LTBP1: variants seen among roughly 807,000 people sequenced by gnomAD.
LTBP1 encodes the protein latent-transforming growth factor beta-binding protein 1.
Under a neutral mutation model 207.6 loss-of-function variants are expected in LTBP1, and 129 were observed. The observed-to-expected ratio is 0.62, with a 90% CI of 0.54 to 0.72. The LOEUF (loss-of-function observed/expected upper bound fraction) is 0.72. Among genes scored for constraint, LTBP1 ranks in the 30% least tolerant of loss-of-function variants. The probability of loss-of-function intolerance (pLI) is 0.00; values close to 1 mark genes in which losing one functional copy is unlikely to be tolerated. For missense variants in LTBP1, 2,281 were observed against 2,217.2 expected (o/e 1.03, Z -0.58); for synonymous variants, 963 against 833.7 (o/e 1.16, Z -2.67).
chr2:32,992,086 G>A lies in LTBP1; in HGVS notation c.566-28823G>A, dbSNP rs142717130. ...GTGCTTCTCTCCGATAAGATCTTAC[G>A]ATATCTGCTCAATTCAACAAGTTGA... On this transcript the variant is annotated intron_variant, in intron 2 of 33. Coordinates refer to ENST00000404816, the MANE Select transcript of LTBP1 (RefSeq NM_206943.4). Among the ~76,000 whole-genome samples the A allele has an allele frequency of 4.6e-5, 7 of 152,212 alleles. No homozygotes were observed. The East Asian group carries it at 9.7e-4, about 21-fold the overall frequency.
rs771922381 is a variant in LTBP1 at position 33,217,562 on chromosome 2, C to T, written c.1712C>T (p.Ala571Val). The change falls in exon 8 of 34, where the codon GCG (alanine) becomes GTG (valine). Residue 571 changes from alanine to valine, a missense_variant. Coordinates refer to ENST00000404816, the MANE Select transcript of LTBP1 (RefSeq NM_206943.4). ...QETIGSQCGK[A>V]LPGLSKQEDC... ...ACCTAATCATTGCAGTGTGGCAAAG[C>T]GCTCCCTGGCCTTTCAAAGCAAGAG... 3.3e-5 allele frequency: 53 copies of T among 1,613,278 alleles called. No individual in the cohort carries two copies. Among genetic ancestry groups the T allele is most frequent in the Non-Finnish European group, 4.2e-5 (50 of 1,179,426 alleles).
intron 19 of LTBP1, among the ~76,000 whole-genome samples, chr2:33,286,675 C>T (rs886948871): frequency 6.6e-6 from 1 of 152,088 alleles, no homozygotes; most frequent in African/African-American, 2.4e-5. Flanking sequence ...ATAAAAACAC[C>T]CACCCAAATG....
At chr2:33,282,337 CA>C (rs1335036338) in intron 19 of LTBP1, among the ~76,000 whole-genome samples, 1 of 152,022 alleles carries the variant, frequency 6.6e-6, no homozygotes, top group Non-Finnish European at 1.5e-5. Flanking sequence ...CAAATGAAGC[CA>C]CTCCCCCAAG....
At chr2:33,076,307 A>G (rs557110516) in intron 3 of LTBP1, among the ~76,000 whole-genome samples, 1 of 152,308 alleles carries the variant, frequency 6.6e-6, no homozygotes, top group South Asian at 2.1e-4. Flanking sequence ...CTTTAGTTAG[A>G]TCTACATTTT....
chr2:33,242,234 A>T (rs1161698025), intron 9 of LTBP1, among the ~76,000 whole-genome samples: 3 of 152,162 alleles, frequency 2.0e-5, no homozygotes, highest in African/African-American at 4.8e-5. Flanking sequence ...TTTTTATGTG[A>T]TGATCCTGAT....
At chr2:33,176,371 G>A (rs1026055230) in intron 5 of LTBP1, among the ~76,000 whole-genome samples, 2 of 152,000 alleles carry the variant, frequency 1.3e-5, no homozygotes, top group African/African-American at 2.4e-5. Flanking sequence ...GACTACAGGC[G>A]CCCGCCACCA....
At chr2:33,374,608 T>C (rs915810025) in intron 31 of LTBP1, among the ~76,000 whole-genome samples, 3 of 152,116 alleles carry the variant, frequency 2.0e-5, no homozygotes, top group African/African-American at 4.8e-5. Context: ...TGGAACTAGA[T>C]TGAATGGATG....
intron 3 of LTBP1, among the ~76,000 whole-genome samples, chr2:33,036,603 G>A (rs1241112957): frequency 6.6e-6 from 1 of 152,068 alleles, no homozygotes; most frequent in African/African-American, 2.4e-5. Context: ...GATTACAGGT[G>A]TGTGCCACCA....
chr2:33,150,980 T>C, intron 5 of LTBP1, among the ~76,000 whole-genome samples: 1 of 152,076 alleles, frequency 6.6e-6, no homozygotes, highest in East Asian at 1.9e-4. Context: ...CCTCAAGTGA[T>C]CCATCTGCCT....
chr2:33,036,322 C>T (rs971079818), intron 3 of LTBP1, among the ~76,000 whole-genome samples: 1 of 152,138 alleles, frequency 6.6e-6, no homozygotes, highest in South Asian at 2.1e-4. Flanking sequence ...TTGAGAACCA[C>T]TGATTAAAGC....
At chr2:33,113,373 A>G (rs1424402455) in intron 4 of LTBP1, among the ~76,000 whole-genome samples, 1 of 152,216 alleles carries the variant, frequency 6.6e-6, no homozygotes, top group Non-Finnish European at 1.5e-5. Context: ...AAAAAGAACA[A>G]TTGTTTTGAA....
At chr2:33,252,139 A>G (rs546102978) in intron 10 of LTBP1, among the ~76,000 whole-genome samples, 1 of 152,206 alleles carries the variant, frequency 6.6e-6, no homozygotes, top group East Asian at 1.9e-4. Flanking sequence ...ATCAGAAACC[A>G]CTTTCTGCCT....
intron 2 of LTBP1, among the ~76,000 whole-genome samples, chr2:32,975,787 C>G (rs1681680278): frequency 6.6e-6 from 1 of 151,682 alleles, no homozygotes; most frequent in Non-Finnish European, 1.5e-5. Context: ...CCATTTTATC[C>G]TTTGGCTTCT....
chr2:33,236,829 C>T (rs560680391), intron 9 of LTBP1, among the ~76,000 whole-genome samples: 380 of 152,284 alleles, frequency 2.5e-3, no homozygotes, highest in African/African-American at 3.2e-3. Context: ...CTAGCAGCGT[C>T]GTCCATGTGT....
At chr2:33,170,316 C>T (rs2085306174) in intron 5 of LTBP1, among the ~76,000 whole-genome samples, 1 of 152,212 alleles carries the variant, frequency 6.6e-6, no homozygotes, top group African/African-American at 2.4e-5. Flanking sequence ...CTGCGCTTTT[C>T]CGACGGGCTT....
intron 22 of LTBP1, among the ~76,000 whole-genome samples, chr2:33,307,962 A>T (rs987587897): frequency 6.6e-6 from 1 of 152,196 alleles, no homozygotes; most frequent in African/African-American, 2.4e-5. Context: ...CTTGAACCAG[A>T]CAGCCGGGCG....
rs184592319 is a variant in LTBP1 at position 33,112,300 on chromosome 2, G to T, written c.1033+1549G>T. 9.2e-5 allele frequency among the ~76,000 whole-genome samples: 14 copies of T among 152,222 alleles called. No homozygotes were observed. The East Asian group carries it at 2.7e-3, about 29-fold the overall frequency. On this transcript the variant is annotated intron_variant, in intron 4 of 33. Transcript: ENST00000404816. ...CCACTGTGTGTGTATTTCCACCCTC[G>T]TGTGTATATATGTATTTTAAACTCT...
At position 33,188,718 on chromosome 2, in the gene LTBP1, A is replaced by G; in HGVS notation, c.1568A>G (p.Tyr523Cys). ...CAACCAGGCCAATCCCAAGTCTCGT[A>G]CCAAGGGCTTCCTGTCCAGAAGACC... is the stretch of plus-strand genomic sequence containing the variant. ...EAQPGQSQVS[Y>C]QGLPVQKTQT... The change falls in exon 7 of 34, where the codon TAC becomes TGC. Residue 523 changes from tyrosine to cysteine, a missense_variant. Tyr to Cys is a radical substitution (Grantham distance 194, BLOSUM62 -2). Transcript: ENST00000404816. 2 of 1,614,180 alleles carry G rather than the reference A, an allele frequency of 1.2e-6. No homozygotes were observed. Among genetic ancestry groups the G allele is most frequent in the Non-Finnish European group, 1.7e-6 (2 of 1,180,030 alleles).
At chr2:33,015,913 C>G (rs186313393) in intron 2 of LTBP1, among the ~76,000 whole-genome samples, 1 of 152,268 alleles carries the variant, frequency 6.6e-6, no homozygotes, top group East Asian at 1.9e-4. Flanking sequence ...CACTCACTCA[C>G]TATTGCAAGA....
Sources: allele counts gnomAD v4.1 joint callset (sites outside exome capture counted in the v4.1 genomes callset), GRCh38; gene constraint gnomAD v4.1.1; transcripts MANE v1.5; gene names NCBI Gene and HGNC (gene_info 2026-07-23, HGNC 2026-07-21).